Variants in NCOR1 observed in about 807,000 individuals in gnomAD.
NCOR1 encodes protein phosphatase 1, regulatory subunit 109.
In NCOR1, 63 loss-of-function variants were observed where a neutral mutation model predicts 288.1. That is an observed-to-expected ratio of 0.22 (90% confidence interval 0.18 to 0.27). NCOR1 has a LOEUF of 0.27. NCOR1 is among the 10% of genes least tolerant of loss of function. NCOR1 has a pLI of 1.00. For missense variants in NCOR1, 2,397 were observed against 3,019.2 expected (o/e 0.79, Z 4.83); for synonymous variants, 1,007 against 1,065.9 (o/e 0.94, Z 1.08).
intron 1 of NCOR1, among the ~76,000 whole-genome samples, chr17:16,202,747 T>C (rs558840134): frequency 6.6e-6 from 1 of 152,178 alleles, no homozygotes; most frequent in Non-Finnish European, 1.5e-5. Flanking sequence ...TTAAAGATCA[T>C]CTGCTGCTGC....
intron 5 of NCOR1, among the ~76,000 whole-genome samples, chr17:16,161,089 A>G (rs1374815301): frequency 6.6e-6 from 1 of 152,106 alleles, no homozygotes; most frequent in African/African-American, 2.4e-5. Flanking sequence ...GGGTTCTTCA[A>G]TGATTCCCTT....
At chr17:16,172,812 T>C (rs2083373198) in intron 3 of NCOR1, among the ~76,000 whole-genome samples, 2 of 152,236 alleles carry the variant, frequency 1.3e-5, no homozygotes, top group African/African-American at 4.8e-5. Flanking sequence ...TTTCATTTTC[T>C]ACCAGGTGTT....
At chr17:16,145,148 A>G (rs1185128234) in intron 10 of NCOR1, among the ~76,000 whole-genome samples, 3 of 152,176 alleles carry the variant, frequency 2.0e-5, no homozygotes, top group Non-Finnish European at 4.4e-5. Context: ...TGATCTGCCC[A>G]CCTTGGCCTC....
chr17:16,073,408 A>G, intron 28 of NCOR1, 21 bp downstream of exon 28: 2 of 1,547,454 alleles, frequency 1.3e-6, no homozygotes, highest in Non-Finnish European at 1.7e-6. Context: ...TCAAAATAAC[A>G]TTCTGAAAAC....
At chr17:16,041,798 G>A (rs1462151741) in intron 42 of NCOR1, among the ~76,000 whole-genome samples, 2 of 151,776 alleles carry the variant, frequency 1.3e-5, no homozygotes, top group African/African-American at 2.4e-5. Flanking sequence ...GTGCAGCGGT[G>A]CGATCTTGGC....
At chr17:16,060,164 G>A (rs1035635435) in intron 37 of NCOR1, among the ~76,000 whole-genome samples, 1 of 152,178 alleles carries the variant, frequency 6.6e-6, no homozygotes, top group Admixed American at 6.5e-5. Context: ...AAACCACACT[G>A]AAGAACTGTA....
chr17:16,066,422 C>T (rs540967701), intron 32 of NCOR1, among the ~76,000 whole-genome samples: 6 of 152,026 alleles, frequency 3.9e-5, no homozygotes, highest in East Asian at 1.9e-4. Flanking sequence ...AAGGGGTAGG[C>T]GTGGTAAAAA....
In NCOR1 at chr17:16,153,470, A is replaced by G. The variant is rs1392864870; in HGVS notation, c.733-75T>C. ...AAGTGCAAAATAATTATTTAGAAAT[A>G]TTTATCTAAGACTAATCTATAGATG... On this transcript the variant is annotated intron_variant, in intron 6 of 45. Transcript: ENST00000268712. 4 of 1,020,332 alleles carry G rather than the reference A, an allele frequency of 3.9e-6. No homozygotes were observed. The African/African-American group carries it at 6.6e-5, about 17-fold the overall frequency. 63.2% of individuals were successfully genotyped at this position (1,020,332 alleles called of 1,614,324 possible). A position where few individuals can be genotyped will look rare whatever the true frequency, so the allele number is the denominator to read the frequency against.
intron 21 of NCOR1, among the ~76,000 whole-genome samples, chr17:16,096,312 A>T (rs1391953934): frequency 6.6e-6 from 1 of 152,198 alleles, no homozygotes; most frequent in Non-Finnish European, 1.5e-5. Flanking sequence ...TAAAAAAAAA[A>T]TAAAATAAAG....
intron 4 of NCOR1, among the ~76,000 whole-genome samples, chr17:16,167,042 TATC>T (rs1309590968): frequency 1.3e-5 from 2 of 150,788 alleles, no homozygotes; most frequent in Non-Finnish European, 2.9e-5. Flanking sequence ...GATACATTAA[TATC>T]ATTCTCCCAC....
chr17:16,176,262 T>C (rs1003551628), intron 3 of NCOR1, among the ~76,000 whole-genome samples: 2 of 152,066 alleles, frequency 1.3e-5, no homozygotes, highest in African/African-American at 4.8e-5. Flanking sequence ...TCAGGTTTTT[T>C]GTTTTGTTTT....
rs770690137 is a variant in NCOR1, at chr17:16,129,644, C to T, written c.1510-3438G>A. Among the ~76,000 whole-genome samples, 5 of 152,280 alleles carry T rather than the reference C, an allele frequency of 3.3e-5. No individual in the cohort carries two copies. In the East Asian group the frequency reaches 9.6e-4, roughly 29 times the overall value. ...ACCTGTTTAAATGCTAATAACCTAA[C>T]CCTGTAACCAATGTAGCATCCATGT... On this transcript the variant is annotated intron_variant, in intron 14 of 45. Transcript: ENST00000268712.
chr17:16,133,135 A>G (rs181557383), intron 14 of NCOR1, among the ~76,000 whole-genome samples: 1 of 151,926 alleles, frequency 6.6e-6, no homozygotes, highest in African/African-American at 2.4e-5. Context: ...CTCCAGGCTA[A>G]TTTTTGCATT....
chr17:16,106,224 T>C (rs2068599837), intron 19 of NCOR1, among the ~76,000 whole-genome samples: 1 of 152,110 alleles, frequency 6.6e-6, no homozygotes, highest in Non-Finnish European at 1.5e-5. Context: ...TATATAGTGG[T>C]AGAAAGCCCC....
intron 21 of NCOR1, among the ~76,000 whole-genome samples, chr17:16,092,677 A>C (rs868716591): frequency 5.6e-5 from 1 of 17,744 alleles, no homozygotes; most frequent in Non-Finnish European, 9.4e-5. Flanking sequence ...ATATATATAT[A>C]TATATATATA....
At chr17:16,085,759 A>C (rs2064132864) in intron 23 of NCOR1, among the ~76,000 whole-genome samples, 2 of 152,226 alleles carry the variant, frequency 1.3e-5, no homozygotes, top group Non-Finnish European at 1.5e-5. Flanking sequence ...AAGTGATGGA[A>C]GTGTTCAATA....
intron 32 of NCOR1, among the ~76,000 whole-genome samples, chr17:16,066,284 A>G (rs555204873): frequency 6.6e-6 from 1 of 152,354 alleles, no homozygotes; most frequent in East Asian, 1.9e-4. Flanking sequence ...GAAAAAAAGA[A>G]TAAATGGTGT....
At chr17:16,193,082 C>T (rs2088887265) in intron 2 of NCOR1, among the ~76,000 whole-genome samples, 1 of 152,034 alleles carries the variant, frequency 6.6e-6, no homozygotes, top group Admixed American at 6.6e-5. Context: ...TGCCAAAGAA[C>T]GTCCTAGAGT....
At chr17:16,160,091 C>A (rs1167140836) in intron 5 of NCOR1, among the ~76,000 whole-genome samples, 1 of 152,102 alleles carries the variant, frequency 6.6e-6, no homozygotes, top group East Asian at 1.9e-4. Flanking sequence ...CTTGGCCTCT[C>A]AAAGTGCCGG....
Sources: gnomAD v4.1 joint callset for allele counts (sites outside exome capture counted in the v4.1 genomes callset) on GRCh38, gnomAD v4.1.1 for gene constraint, MANE v1.5 for transcripts, NCBI Gene and HGNC (gene_info 2026-07-23, HGNC 2026-07-21) for gene names.